Variants in JAM3 observed in about 807,000 individuals in gnomAD.
JAM3 encodes junctional adhesion molecule 3, also known as junctional adhesion molecule C.
JAM3 carries 31 observed loss-of-function variants against 39.4 expected under a neutral mutation model. That is an observed-to-expected ratio of 0.79 (90% CI 0.59 to 1.06). The LOEUF is 1.06. Among genes scored for constraint, JAM3 ranks in the 50% least tolerant of loss-of-function variants. The pLI is 0.00. For synonymous variants in JAM3, 182 were observed against 148.7 expected, an observed-to-expected ratio of 1.22 and a Z score of -1.63; for missense variants, 455 against 391.4, an observed-to-expected ratio of 1.16 and a Z score of -1.37.
intron 1 of JAM3, among the ~76,000 whole-genome samples, chr11:134,132,374 G>A (rs1441838210): frequency 6.6e-6 from 1 of 152,178 alleles, no homozygotes; most frequent in Non-Finnish European, 1.5e-5. Flanking sequence ...TGCCAGATAA[G>A]TGAAAGTTGA....
chr11:134,124,448 A>G (rs1287717629), intron 1 of JAM3: 6 of 514,538 alleles, frequency 1.2e-5, no homozygotes, highest in South Asian at 9.3e-5. Flanking sequence ...CCTATTATCA[A>G]TCAGTGTTTT....
At chr11:134,124,348 AGTGTGC>A (rs1942598597) in intron 1 of JAM3, 3 of 737,270 alleles carry the variant, frequency 4.1e-6, no homozygotes, top group Non-Finnish European at 7.5e-6. Context: ...GAAAAATGTG[AGTGTGC>A]GTGTGAGTGT....
chr11:134,114,643 CATT>C (rs1183497729), intron 1 of JAM3, among the ~76,000 whole-genome samples: 2 of 152,282 alleles, frequency 1.3e-5, no homozygotes, highest in Non-Finnish European at 2.9e-5. Context: ...AGTTTCCAAA[CATT>C]AGGATTTTTC....
At chr11:134,137,642 C>G (rs1301746969) in intron 1 of JAM3, among the ~76,000 whole-genome samples, 1 of 152,052 alleles carries the variant, frequency 6.6e-6, no homozygotes, top group African/African-American at 2.4e-5. Context: ...GGCCAATAGT[C>G]CCTTAGAGCC....
At chr11:134,145,144 A>G (rs1027115319) in intron 5 of JAM3, 150 bp downstream of exon 5, 2 of 716,772 alleles carry the variant, frequency 2.8e-6, no homozygotes, top group Non-Finnish European at 5.0e-6. Context: ...AGGAAAAATG[A>G]CCCTTCTTCC....
intron 1 of JAM3, among the ~76,000 whole-genome samples, chr11:134,114,916 G>C (rs1393069818): frequency 6.6e-6 from 1 of 152,282 alleles, no homozygotes; most frequent in Admixed American, 6.5e-5. Context: ...CTGTCCACTT[G>C]TTCTGCTATT....
At chr11:134,135,539 T>C (rs992776902) in intron 1 of JAM3, among the ~76,000 whole-genome samples, 1 of 151,866 alleles carries the variant, frequency 6.6e-6, no homozygotes, top group African/African-American at 2.4e-5. Flanking sequence ...CTATCCTTTT[T>C]TTTTTTTCTT....
chr11:134,123,881 G>C (rs1298162861), intron 1 of JAM3: 26 of 897,230 alleles, frequency 2.9e-5, no homozygotes, highest in Non-Finnish European at 1.5e-5. Context: ...TCTTAGGTCA[G>C]TATTTCTCCA....
At chr11:134,129,497 C>T (rs566750759) in intron 1 of JAM3, among the ~76,000 whole-genome samples, 1 of 152,220 alleles carries the variant, frequency 6.6e-6, no homozygotes, top group African/African-American at 2.4e-5. Context: ...TAATTACTGT[C>T]TCAAATTTAA....
rs549832319 is a variant in JAM3, at chr11:134,106,806, T to G, written c.77-33045T>G. On this transcript the variant is annotated intron_variant, in intron 1 of 8. Coordinates refer to ENST00000299106, the MANE Select transcript of JAM3 (RefSeq NM_032801.5). ...GATACCATCTCACACCAGTTAGAAT[T>G]GCGATCATTAAAAAGTCAGGAAACA... Among the ~76,000 whole-genome samples, 370 of 152,184 alleles carry G rather than the reference T, an allele frequency of 2.4e-3. 2 individuals carry two copies. The highest frequency in any genetic ancestry group is 3.5e-3 in the African/African-American group (145 of 41,530).
intron 1 of JAM3, among the ~76,000 whole-genome samples, chr11:134,129,984 A>C (rs1942737086): frequency 6.6e-6 from 1 of 152,040 alleles, no homozygotes; most frequent in Non-Finnish European, 1.5e-5. Context: ...CCTTGGTTAC[A>C]GAGTGAGATT....
In JAM3 at chr11:134,149,340, A is replaced by C; in HGVS notation, c.*159A>C. 1 of 770,838 alleles carries C rather than the reference A, an allele frequency of 1.3e-6. No individual in the cohort carries two copies. The highest frequency in any genetic ancestry group is 2.2e-6 in the Non-Finnish European group (1 of 456,076). The allele number at this position is 770,838 out of a possible 1,614,324, so 47.7% of individuals were successfully genotyped here. On this transcript the variant is annotated 3_prime_UTR_variant, in exon 9 of 9. Coordinates refer to ENST00000299106, the MANE Select transcript of JAM3 (RefSeq NM_032801.5). ...AGTTGACCACTACTCTTCTTACTCT[A>C]ACAAGCCACATGAATAGAAGAATTT...
At chr11:134,082,439 G>T (rs1941682096) in intron 1 of JAM3, among the ~76,000 whole-genome samples, 1 of 152,146 alleles carries the variant, frequency 6.6e-6, no homozygotes. Flanking sequence ...ATCTCATCTT[G>T]TAGCTCCCAT....
intron 1 of JAM3, among the ~76,000 whole-genome samples, chr11:134,073,829 T>C (rs1941521267): frequency 6.6e-6 from 1 of 152,244 alleles, no homozygotes; most frequent in Admixed American, 6.5e-5. Flanking sequence ...TATCTCACTT[T>C]GTCACTTGAA....
chr11:134,088,825 T>C (rs534378175), intron 1 of JAM3, among the ~76,000 whole-genome samples: 154 of 152,366 alleles, frequency 1.0e-3, no homozygotes, highest in African/African-American at 3.5e-3. Flanking sequence ...AGTCTCACTC[T>C]GTCACCCCTG....
chr11:134,124,195 C>G (rs1942593389), intron 1 of JAM3: 1 of 1,444,820 alleles, frequency 6.9e-7, no homozygotes. Flanking sequence ...GCATCACAAA[C>G]TCGAACCAAA....
rs368312974 is a variant in JAM3, at chr11:134,144,837, T to C, written c.455T>C (p.Val152Ala). ...PVCRVPKAVP[V>A]GKMATLHCQE... ...TGTAGAGTGCCGAAGGCTGTACCAG[T>C]AGGCAAGATGGCAACACTGCACTGC... Residue 152 changes from valine (V) to alanine (A), a missense_variant, in exon 5 of 9, where the codon GTA becomes GCA. Transcript: ENST00000299106. The C allele has an allele frequency of 1.5e-5, 24 of 1,614,064 alleles. No homozygotes were observed. In the South Asian group the frequency reaches 2.5e-4, roughly 17 times the overall value.
intron 1 of JAM3, among the ~76,000 whole-genome samples, chr11:134,104,762 G>T (rs1942149243): frequency 6.6e-6 from 1 of 152,070 alleles, no homozygotes; most frequent in Admixed American, 6.6e-5. Flanking sequence ...TAGAAGAAAT[G>T]GATAAATTCC....
At chr11:134,140,017 G>A in intron 2 of JAM3, 101 bp downstream of exon 2, 1 of 973,902 alleles carries the variant, frequency 1.0e-6, no homozygotes, top group Non-Finnish European at 1.6e-6. Context: ...AGTGTGCCAG[G>A]GAGATGTTCC....
Sources: allele counts gnomAD v4.1 joint callset (sites outside exome capture counted in the v4.1 genomes callset), GRCh38; gene constraint gnomAD v4.1.1; transcripts MANE v1.5; gene names NCBI Gene and HGNC (gene_info 2026-07-23, HGNC 2026-07-21).